SHISA9: variants seen among roughly 807,000 people sequenced by gnomAD.
SHISA9 encodes shisa family member 9.
SHISA9 carries 13 observed loss-of-function variants against 38.0 expected under a neutral mutation model. The ratio of observed to expected loss-of-function variants is 0.34; its 90% confidence interval spans 0.22 to 0.54. The LOEUF is 0.54. SHISA9 is among the 20% of genes least tolerant of loss of function. SHISA9 has a pLI of 0.91. For missense variants in SHISA9, 538 were observed against 575.8 expected, an observed-to-expected ratio of 0.93 and a Z score of 0.67; for synonymous variants, 275 against 242.0, an observed-to-expected ratio of 1.14 and a Z score of -1.27.
intron 2 of SHISA9, among the ~76,000 whole-genome samples, chr16:13,095,110 A>T (rs192455394): frequency 1.3e-5 from 2 of 152,344 alleles, no homozygotes; most frequent in Admixed American, 1.3e-4. Context: ...TAACTGTGAG[A>T]GAGAAGAAGA....
chr16:13,347,457 GGCTCACAGAAATCCT>G, the SHISA9 span, among the ~76,000 whole-genome samples: 4 of 152,102 alleles, frequency 2.6e-5, no homozygotes, highest in Non-Finnish European at 2.9e-5. Flanking sequence ...TACCCACATA[GGCTCACAGAAATCCT>G]GCACTTACAT....
At position 13,057,708 on chromosome 16, in the gene SHISA9, T is replaced by C. The variant is rs572169910; in HGVS notation, c.691+140893T>C. Among the ~76,000 whole-genome samples, 3 of 152,358 alleles carry C rather than the reference T, an allele frequency of 2.0e-5. No homozygotes were observed. The East Asian group carries it at 5.8e-4, about 29-fold the overall frequency. On this transcript the variant is annotated intron_variant, in intron 2 of 4. Transcript: ENST00000558583. ...GTGCAGAATGTGCAGGTTTGTTACA[T>C]AGGTAAACGTGTGCCATGGTGGTTT...
the SHISA9 span, among the ~76,000 whole-genome samples, chr16:13,369,718 A>T: frequency 6.6e-6 from 1 of 152,146 alleles, no homozygotes; most frequent in Non-Finnish European, 1.5e-5. Flanking sequence ...GCAACATGAC[A>T]GGTGATCCTG....
chr16:13,217,378 C>T (rs546236693), intron 4 of SHISA9, among the ~76,000 whole-genome samples: 1 of 152,342 alleles, frequency 6.6e-6, no homozygotes, highest in South Asian at 2.1e-4. Flanking sequence ...GAAGCCGTGT[C>T]TTTGGAAATC....
the SHISA9 span, among the ~76,000 whole-genome samples, chr16:13,377,403 A>G: frequency 6.6e-6 from 1 of 152,148 alleles, no homozygotes; most frequent in Admixed American, 6.5e-5. Flanking sequence ...CATTTCAAAC[A>G]TCGTATTTGT....
chr16:13,022,336 T>A lies in SHISA9; in HGVS notation c.691+105521T>A, dbSNP rs538370174. ...CTGGCTAATTTTTACATTAAAAAAA[T>A]TTTTTTTTTTTCGAGACAGAGTTTC... is the stretch of plus-strand genomic sequence containing the variant. On this transcript the variant is annotated intron_variant, in intron 2 of 4. Transcript: ENST00000558583. Among the ~76,000 whole-genome samples the A allele has an allele frequency of 1.8e-3, 202 of 112,990 alleles. 1 individual carries two copies. Among genetic ancestry groups the A allele is most frequent in the African/African-American group, 4.7e-3 (149 of 31,980 alleles). The allele number at this position is 112,990 out of a possible 152,430, so 74.1% of individuals were successfully genotyped here. A position where few individuals can be genotyped will look rare whatever the true frequency, so the allele number is the denominator to read the frequency against.
chr16:13,017,353 T>G (rs1207389510), intron 2 of SHISA9, among the ~76,000 whole-genome samples: 1 of 152,200 alleles, frequency 6.6e-6, no homozygotes, highest in Non-Finnish European at 1.5e-5. Context: ...TGGGATTCTG[T>G]GCAATGCATT....
chr16:13,552,859 C>T, the SHISA9 span, among the ~76,000 whole-genome samples: 1 of 152,050 alleles, frequency 6.6e-6, no homozygotes, highest in Non-Finnish European at 1.5e-5. Flanking sequence ...GCAGAAGTTA[C>T]AAAAGCCACA....
At chr16:12,909,256 G>T (rs923833542) in intron 1 of SHISA9, 5 of 981,364 alleles carry the variant, frequency 5.1e-6, no homozygotes, top group East Asian at 1.1e-4. Flanking sequence ...TGCACACATT[G>T]TAAGTGTGTA....
At chr16:13,389,048 G>A in the SHISA9 span, among the ~76,000 whole-genome samples, 128 of 152,218 alleles carry the variant, frequency 8.4e-4, 1 homozygote, top group Middle Eastern at 0.024. Flanking sequence ...AGAGCGGCAC[G>A]TCTGCTACAA....
chr16:13,160,534 G>A (rs564769071), intron 2 of SHISA9, among the ~76,000 whole-genome samples: 66 of 152,294 alleles, frequency 4.3e-4, no homozygotes, highest in Admixed American at 1.3e-3. Context: ...AGACTGTGAG[G>A]TTCTACACTG....
At chr16:13,255,891 A>C in the SHISA9 span, among the ~76,000 whole-genome samples, 1 of 152,214 alleles carries the variant, frequency 6.6e-6, no homozygotes, top group Non-Finnish European at 1.5e-5. Context: ...AATTTTTCTC[A>C]GCTCACTCTC....
At chr16:13,024,722 G>T (rs116085985) in intron 2 of SHISA9, among the ~76,000 whole-genome samples, 1 of 152,140 alleles carries the variant, frequency 6.6e-6, no homozygotes, top group Non-Finnish European at 1.5e-5. Flanking sequence ...TAAAGTAGGG[G>T]GTGACAATAC....
the SHISA9 span, among the ~76,000 whole-genome samples, chr16:13,283,213 G>T: frequency 6.6e-6 from 1 of 152,030 alleles, no homozygotes; most frequent in Non-Finnish European, 1.5e-5. Flanking sequence ...CATTTTGCTT[G>T]TTCAAATTTT....
At chr16:13,040,408 G>A (rs2073120407) in intron 2 of SHISA9, among the ~76,000 whole-genome samples, 1 of 152,134 alleles carries the variant, frequency 6.6e-6, no homozygotes, top group Non-Finnish European at 1.5e-5. Flanking sequence ...CCCTCTTCTT[G>A]TAATTCAGAT....
intron 4 of SHISA9, 39 bp downstream of exon 4, chr16:13,213,339 T>C: frequency 6.5e-7 from 1 of 1,541,178 alleles, no homozygotes; most frequent in East Asian, 2.4e-5. Context: ...GTCCAGGTGT[T>C]GTCAAAGTTA....
the SHISA9 span, among the ~76,000 whole-genome samples, chr16:13,326,109 G>T: frequency 6.6e-6 from 1 of 151,034 alleles, no homozygotes; most frequent in Non-Finnish European, 1.5e-5. Context: ...CTGTCCAAAT[G>T]CAGAAAGAGA....
chr16:12,959,413 A>G (rs28753937), intron 2 of SHISA9, among the ~76,000 whole-genome samples: 29,314 of 152,134 alleles, frequency 0.19, 3,469 homozygotes, highest in Middle Eastern at 0.35. Context: ...GCAGAGGAAA[A>G]GCTAGGGAAG....
intron 2 of SHISA9, among the ~76,000 whole-genome samples, chr16:13,001,208 G>C (rs563184653): frequency 6.6e-6 from 1 of 152,228 alleles, no homozygotes. Flanking sequence ...GATTACAGGC[G>C]TGAGCCACCG....
Sources: allele counts gnomAD v4.1 joint callset (sites outside exome capture counted in the v4.1 genomes callset), GRCh38; gene constraint gnomAD v4.1.1; transcripts MANE v1.5; gene names NCBI Gene and HGNC (gene_info 2026-07-23, HGNC 2026-07-21).